PUM1: variants seen among roughly 807,000 people sequenced by gnomAD.
PUM1 encodes pumilio RNA binding family member 1, also known as pumilio homolog 1.
Under a neutral mutation model 131.8 loss-of-function variants are expected in PUM1, and 13 were observed. The observed-to-expected ratio is 0.10, with a 90% CI of 0.06 to 0.16. The LOEUF is 0.16. PUM1 is among the 10% of genes least tolerant of loss of function. The pLI, the probability that PUM1 is intolerant of heterozygous loss-of-function variation, is 1.00. For missense variants in PUM1, 961 were observed against 1,512.4 expected (o/e 0.64, Z 6.05); for synonymous variants, 509 against 556.5 (o/e 0.91, Z 1.20).
chr1:30,965,213 G>A (rs1314746898), intron 13 of PUM1, among the ~76,000 whole-genome samples: 1 of 152,108 alleles, frequency 6.6e-6, no homozygotes, highest in African/African-American at 2.4e-5. Flanking sequence ...GGAAGAAAAT[G>A]GACTAGAAGA....
Position 30,953,787 on chromosome 1 carries a change from G to A in PUM1, c.2518C>T (p.Arg840Trp), listed in dbSNP as rs1640042273. Residue 840 changes from arginine to tryptophan, a missense_variant, in exon 15 of 22, where the codon CGG (arginine) becomes TGG (tryptophan). Around this residue, in one of 4 missense-constraint regions of PUM1, gnomAD observed 117 missense variants for 200.7 expected, o/e 0.58. Transcript: ENST00000426105. ...TCCCGCAGTTGTAAATTGGGGTACC[G>A]GTTGTTTCGAAAATCTTCCAAAAGC... ...SRLLEDFRNN[R>W]YPNLQLREIA... 1.9e-6 allele frequency: 3 copies of A among 1,614,160 alleles called. No individual in the cohort carries two copies. Among genetic ancestry groups the A allele is most frequent in the Non-Finnish European group, 2.5e-6 (3 of 1,180,018 alleles).
intron 7 of PUM1, among the ~76,000 whole-genome samples, chr1:30,984,587 T>G (rs766569033): frequency 1.2e-4 from 18 of 152,170 alleles, no homozygotes; most frequent in Non-Finnish European, 2.2e-4. Context: ...CTGGGGAAAA[T>G]GTATCATCTA....
chr1:31,064,495 TC>T (rs1330653810), intron 1 of PUM1, among the ~76,000 whole-genome samples: 1 of 152,088 alleles, frequency 6.6e-6, no homozygotes, highest in Non-Finnish European at 1.5e-5. Flanking sequence ...GTTGGGCCTG[TC>T]TTAGTAAGTT....
chr1:31,019,278 G>A (rs1220257394), intron 3 of PUM1, among the ~76,000 whole-genome samples: 6 of 152,222 alleles, frequency 3.9e-5, no homozygotes, highest in African/African-American at 1.4e-4. Flanking sequence ...CTTAAACCCA[G>A]GAGATGGAGG....
chr1:30,999,606 CAAAAAAAAAAAAAAAAAAAAAAA>C (rs56936440), intron 5 of PUM1, among the ~76,000 whole-genome samples: 9 of 53,956 alleles, frequency 1.7e-4, no homozygotes, highest in East Asian at 6.8e-4. Context: ...GACTCTGTCT[CAAAAAAAAAAAAAAAAAAAAAAA>C]AAAAAAAAAA....
chr1:30,951,762 G>A (rs556811692), intron 16 of PUM1, among the ~76,000 whole-genome samples: 1 of 152,172 alleles, frequency 6.6e-6, no homozygotes, highest in African/African-American at 2.4e-5. Flanking sequence ...AAGGCCAAAC[G>A]ATCAGCCAAG....
At chr1:30,998,403 A>C (rs922610287) in intron 5 of PUM1, among the ~76,000 whole-genome samples, 4 of 152,152 alleles carry the variant, frequency 2.6e-5, no homozygotes, top group Non-Finnish European at 4.4e-5. Context: ...TTGAGGCAGA[A>C]GCGGAAGGAT....
intron 17 of PUM1, 60 bp from the exon 18 acceptor site, chr1:30,945,543 T>C (rs1407721660): frequency 1.6e-5 from 26 of 1,579,482 alleles, no homozygotes; most frequent in Non-Finnish European, 2.2e-5. Context: ...GGACAAATAA[T>C]ATTCTTTTCA....
Position 30,992,624 on chromosome 1 carries a change from T to C in PUM1, c.924A>G (p.Glu308=), listed in dbSNP as rs1641833630. The C allele has an allele frequency of 6.2e-7, 1 of 1,614,024 alleles. No homozygotes were observed. The highest frequency in any genetic ancestry group is 8.5e-7 in the Non-Finnish European group (1 of 1,180,008). ...TCTGGTTTGGACCCAGAAGATCCAC[T>C]TCATTAGCAGAGTTCTGGCAATTAC... ...TPGNCQNSAN[E]VDLLGPNQNG... Residue 308 remains glutamate (E), a synonymous_variant, in exon 7 of 22, where the codon GAA becomes GAG. Transcript: ENST00000426105.
At chr1:30,966,670 T>C (rs1390050293) in intron 12 of PUM1, among the ~76,000 whole-genome samples, 2 of 152,222 alleles carry the variant, frequency 1.3e-5, no homozygotes, top group Non-Finnish European at 2.9e-5. Context: ...CACACTGCTG[T>C]CTTCTAGATG....
At chr1:31,007,126 C>G in intron 3 of PUM1, 24 bp from the exon 4 acceptor site, 2 of 1,535,912 alleles carry the variant, frequency 1.3e-6, no homozygotes, top group South Asian at 2.2e-5. Context: ...ATAATAGATG[C>G]TTTTAAAGAA....
At chr1:30,976,089 CAAAAAAA>C (rs11398686) in intron 9 of PUM1, among the ~76,000 whole-genome samples, 1 of 131,268 alleles carries the variant, frequency 7.6e-6, no homozygotes, top group South Asian at 2.4e-4. Context: ...AGTGTGTCTC[CAAAAAAA>C]AAAAAAAAAA....
At chr1:30,970,459 C>T (rs1245524265) in intron 10 of PUM1, among the ~76,000 whole-genome samples, 3 of 152,208 alleles carry the variant, frequency 2.0e-5, no homozygotes, top group Non-Finnish European at 4.4e-5. Context: ...GTTTAAGCCA[C>T]ACTGCCTGAT....
At position 30,943,096 on chromosome 1, in the gene PUM1, G is replaced by A. The variant is rs189114770; in HGVS notation, c.2995-973C>T. Among the ~76,000 whole-genome samples, 69 of 152,154 alleles carry A rather than the reference G, an allele frequency of 4.5e-4. 1 individual carries two copies. Among genetic ancestry groups the A allele is most frequent in the Admixed American group, 9.2e-4 (14 of 15,292 alleles). On this transcript the variant is annotated intron_variant, in intron 18 of 21. Transcript: ENST00000426105. ...TACATGTAGCTTTATATTTACAATC[G>A]TAAAGATAAATAGTATACTGTATGG...
intron 2 of PUM1, among the ~76,000 whole-genome samples, chr1:31,053,447 A>C (rs896116865): frequency 8.2e-5 from 12 of 146,274 alleles, no homozygotes; most frequent in African/African-American, 3.0e-4. Flanking sequence ...GCAGTGGCTC[A>C]CGCCTGTAAT....
chr1:31,059,795 T>C (rs1644326897), intron 1 of PUM1, among the ~76,000 whole-genome samples: 1 of 152,004 alleles, frequency 6.6e-6, no homozygotes, highest in Admixed American at 6.6e-5. Context: ...CTTCTATCAG[T>C]CTACCCAACT....
intron 7 of PUM1, among the ~76,000 whole-genome samples, chr1:30,991,083 G>GGT (rs1641772233): frequency 2.0e-5 from 3 of 150,892 alleles, no homozygotes; most frequent in African/African-American, 4.9e-5. Flanking sequence ...AAAAAAAAGA[G>GGT]AGAACCATAT....
intron 1 of PUM1, among the ~76,000 whole-genome samples, chr1:31,065,196 G>A (rs1008566374): frequency 6.6e-6 from 1 of 152,134 alleles, no homozygotes; most frequent in African/African-American, 2.4e-5. Context: ...AGCTCAAGAA[G>A]TCGAAGAAAT....
At chr1:31,016,652 A>G (rs544164154) in intron 3 of PUM1, among the ~76,000 whole-genome samples, 8 of 152,294 alleles carry the variant, frequency 5.3e-5, no homozygotes, top group South Asian at 2.1e-4. Context: ...AACATCTCCA[A>G]TAATTTTCTT....
Sources: gnomAD v4.1 joint callset for allele counts (sites outside exome capture counted in the v4.1 genomes callset) on GRCh38, gnomAD v4.1.1 for gene constraint, gnomAD v4.1.1 regional missense constraint, MANE v1.5 for transcripts, NCBI Gene and HGNC (gene_info 2026-07-23, HGNC 2026-07-21) for gene names.